The following SAMD12 variants were observed in gnomAD, a reference collection of about 807,000 sequenced individuals.
The protein encoded by SAMD12 is sterile alpha motif domain-containing protein 12.
Under a neutral mutation model 15.0 loss-of-function variants are expected in SAMD12, and 9 were observed. The ratio of observed to expected loss-of-function variants is 0.60; its 90% CI spans 0.36 to 1.05. The LOEUF is 1.05. Among genes scored for constraint, SAMD12 ranks in the 50% least tolerant of loss-of-function variants. The probability of loss-of-function intolerance (pLI) is 0.01; values close to 1 mark genes in which losing one functional copy is unlikely to be tolerated. For missense variants in SAMD12, 230 were observed against 234.2 expected, an observed-to-expected ratio of 0.98 and a Z score of 0.12; for synonymous variants, 86 against 90.1, an observed-to-expected ratio of 0.96 and a Z score of 0.25.
chr8:118,590,823 ACTAT>A (rs1827569809), intron 1 of SAMD12, among the ~76,000 whole-genome samples: 1 of 152,230 alleles, frequency 6.6e-6, no homozygotes, highest in Non-Finnish European at 1.5e-5. Context: ...AGACATCAGA[ACTAT>A]CTGAGAAAAA....
intron 1 of SAMD12, among the ~76,000 whole-genome samples, chr8:118,617,070 T>C (rs1027669991): frequency 3.9e-5 from 6 of 152,176 alleles, no homozygotes; most frequent in Non-Finnish European, 7.4e-5. Flanking sequence ...CTATGACGGG[T>C]AAGTTCACTG....
intron 2 of SAMD12, among the ~76,000 whole-genome samples, chr8:118,562,862 A>T (rs1045494078): frequency 6.6e-6 from 1 of 152,204 alleles, no homozygotes; most frequent in Non-Finnish European, 1.5e-5. Flanking sequence ...AGACCTGTCC[A>T]CTGGGAGGAC....
intron 2 of SAMD12, among the ~76,000 whole-genome samples, chr8:118,554,903 C>T (rs1466011359): frequency 1.3e-5 from 2 of 152,064 alleles, no homozygotes; most frequent in African/African-American, 4.8e-5. Context: ...CCACATGAGC[C>T]AATTTTTTAA....
At chr8:118,335,191 C>A (rs1421232079) in intron 4 of SAMD12, among the ~76,000 whole-genome samples, 1 of 152,192 alleles carries the variant, frequency 6.6e-6, no homozygotes, top group African/African-American at 2.4e-5. Flanking sequence ...TAGGAGTACA[C>A]ATGCAAGACC....
At chr8:118,345,171 A>G (rs1817573609) in intron 4 of SAMD12, among the ~76,000 whole-genome samples, 1 of 152,192 alleles carries the variant, frequency 6.6e-6, no homozygotes, top group South Asian at 2.1e-4. Context: ...ATATTTTGAT[A>G]TACAAATACT....
At chr8:118,621,347 G>A (rs1828400219) in intron 1 of SAMD12, among the ~76,000 whole-genome samples, 1 of 152,122 alleles carries the variant, frequency 6.6e-6, no homozygotes, top group Non-Finnish European at 1.5e-5. Context: ...AAGGGCCCTC[G>A]ACCCAATCCC....
chr8:118,186,855 G>T (rs1360466196), downstream of SAMD12, among the ~76,000 whole-genome samples: 1 of 152,128 alleles, frequency 6.6e-6, no homozygotes, highest in Non-Finnish European at 1.5e-5. Context: ...GGAAGCAGCT[G>T]CCTTTGGGTG....
intron 3 of SAMD12, among the ~76,000 whole-genome samples, chr8:118,387,107 A>G (rs1270565700): frequency 6.6e-6 from 1 of 152,222 alleles, no homozygotes. Flanking sequence ...GGTCCAGAGC[A>G]GCAGGCATGG....
intron 1 of SAMD12, among the ~76,000 whole-genome samples, chr8:118,617,380 A>G (rs1484261527): frequency 1.3e-5 from 2 of 152,100 alleles, no homozygotes; most frequent in Non-Finnish European, 2.9e-5. Flanking sequence ...TAGTTTCTTC[A>G]CTCTTCTACA....
chr8:118,524,940 A>G (rs1180152491), intron 2 of SAMD12, among the ~76,000 whole-genome samples: 1 of 152,148 alleles, frequency 6.6e-6, no homozygotes, highest in Non-Finnish European at 1.5e-5. Context: ...TCTGTTCTCA[A>G]CAGAGCAGCC....
chr8:118,433,223 C>T (rs1361803951), intron 3 of SAMD12, among the ~76,000 whole-genome samples: 1 of 152,168 alleles, frequency 6.6e-6, no homozygotes, highest in Non-Finnish European at 1.5e-5. Context: ...TGCTTTCTGC[C>T]AAGCCTTAAA....
At chr8:118,173,723 G>A in the SAMD12 span, among the ~76,000 whole-genome samples, 3,622 of 149,682 alleles carry the variant, frequency 0.024, 60 homozygotes, top group South Asian at 0.075. Context: ...TCTGCCTCCT[G>A]GGTTCAAGTG....
the SAMD12 span, among the ~76,000 whole-genome samples, chr8:118,150,548 T>C: frequency 4.6e-5 from 7 of 152,118 alleles, no homozygotes; most frequent in South Asian, 1.0e-3. Context: ...TTTAAATTTT[T>C]TGTAGAGATG....
chr8:118,192,040 C>T (rs1181643285), exon 5 of SAMD12: 1 of 151,272 alleles, frequency 6.6e-6, no homozygotes, highest in South Asian at 2.1e-4. Flanking sequence ...AGACCATGAT[C>T]AGTTTGTGGA....
intron 2 of SAMD12, among the ~76,000 whole-genome samples, chr8:118,489,993 G>A (rs1478099540): frequency 1.3e-5 from 2 of 152,092 alleles, no homozygotes; most frequent in African/African-American, 4.8e-5. Flanking sequence ...AGGGAGGAAT[G>A]TTCCTCTTTA....
intron 4 of SAMD12, among the ~76,000 whole-genome samples, chr8:118,290,346 T>C (rs546060600): frequency 4.6e-5 from 7 of 152,122 alleles, no homozygotes; most frequent in African/African-American, 7.2e-5. Flanking sequence ...AGACTAGACA[T>C]TGAGAGATCT....
chr8:118,513,675 G>A (rs973092650), intron 2 of SAMD12, among the ~76,000 whole-genome samples: 1 of 152,226 alleles, frequency 6.6e-6, no homozygotes, highest in Non-Finnish European at 1.5e-5. Flanking sequence ...GGGGTTGGGA[G>A]AATATGGGGA....
At chr8:118,469,556 A>ATT (rs61003144) in intron 2 of SAMD12, among the ~76,000 whole-genome samples, 612 of 2,802 alleles carry the variant, frequency 0.22, 167 homozygotes, top group Middle Eastern at 0.75. Flanking sequence ...TATTATATAT[A>ATT]ATATATTATA....
chr8:118,330,858 G>A (rs1816774855), intron 4 of SAMD12, among the ~76,000 whole-genome samples: 1 of 152,030 alleles, frequency 6.6e-6, no homozygotes, highest in South Asian at 2.1e-4. Context: ...TACCTATCGG[G>A]TACAATGTTC....
Sources: gnomAD v4.1 joint callset for allele counts (sites outside exome capture counted in the v4.1 genomes callset) on GRCh38, gnomAD v4.1.1 for gene constraint, MANE v1.5 for transcripts, NCBI Gene and HGNC (gene_info 2026-07-23, HGNC 2026-07-21) for gene names.